Variants in WDR27 observed in about 807,000 individuals in gnomAD.
WDR27 encodes the protein WD repeat-containing protein 27.
In WDR27, 100 loss-of-function variants were observed where a neutral mutation model predicts 114.4. The ratio of observed to expected loss-of-function variants is 0.87; its 90% CI spans 0.74 to 1.03. WDR27 has a LOEUF of 1.03. Among genes scored for constraint, WDR27 ranks in the 50% least tolerant of loss-of-function variants. WDR27 has a pLI of 0.00. For missense variants in WDR27, 1,129 were observed against 1,092.9 expected, an observed-to-expected ratio of 1.03 and a Z score of -0.47; for synonymous variants, 449 against 423.1, an observed-to-expected ratio of 1.06 and a Z score of -0.75.
chr6:169,585,251 C>T (rs565901443), intron 23 of WDR27, among the ~76,000 whole-genome samples: 3 of 152,204 alleles, frequency 2.0e-5, no homozygotes, highest in South Asian at 2.1e-4. Context: ...ATATTTTGAA[C>T]GTCAGAAGAA....
chr6:169,553,318 G>A (rs916398629), intron 25 of WDR27, among the ~76,000 whole-genome samples: 26 of 152,050 alleles, frequency 1.7e-4, no homozygotes, highest in African/African-American at 4.8e-4. Flanking sequence ...CATTCTTTCC[G>A]GTTTAGTACA....
chr6:169,645,201 GA>G (rs1454460983), intron 16 of WDR27, among the ~76,000 whole-genome samples: 1 of 151,376 alleles, frequency 6.6e-6, no homozygotes, highest in Non-Finnish European at 1.5e-5. Context: ...TAGTTCACAG[GA>G]GTCACACTAT....
At chr6:169,697,913 CTT>C (rs1786662303) in intron 1 of WDR27, among the ~76,000 whole-genome samples, 2 of 152,170 alleles carry the variant, frequency 1.3e-5, no homozygotes, top group South Asian at 4.1e-4. Context: ...TGTCTTGTGT[CTT>C]TATTTCTACA....
At chr6:169,493,192 C>G (rs1399739357) in intron 25 of WDR27, among the ~76,000 whole-genome samples, 1 of 151,828 alleles carries the variant, frequency 6.6e-6, no homozygotes, top group Non-Finnish European at 1.5e-5. Context: ...AAAAGTCTGC[C>G]ACATAAACAT....
the WDR27 span, among the ~76,000 whole-genome samples, chr6:169,437,666 T>C: frequency 1.3e-5 from 2 of 152,216 alleles, no homozygotes; most frequent in Non-Finnish European, 2.9e-5. Flanking sequence ...TGCTTAACTA[T>C]AGTTCCTCAA....
chr6:169,609,802 T>G (rs1312962660), intron 22 of WDR27, among the ~76,000 whole-genome samples: 4 of 152,256 alleles, frequency 2.6e-5, no homozygotes, highest in Non-Finnish European at 2.9e-5. Flanking sequence ...TCTTTTCTAT[T>G]GCATTGTCAG....
intron 25 of WDR27, among the ~76,000 whole-genome samples, chr6:169,485,374 A>G (rs1788746735): frequency 6.6e-6 from 1 of 152,250 alleles, no homozygotes; most frequent in African/African-American, 2.4e-5. Flanking sequence ...GACACTTTTC[A>G]AAAGACATAC....
intron 25 of WDR27, among the ~76,000 whole-genome samples, chr6:169,503,960 T>C (rs1791675971): frequency 6.6e-6 from 1 of 152,054 alleles, no homozygotes; most frequent in African/African-American, 2.4e-5. Context: ...TGGTTTAAAT[T>C]AGGAGCAAAA....
intron 25 of WDR27, among the ~76,000 whole-genome samples, chr6:169,526,024 A>G (rs1794931749): frequency 6.6e-6 from 1 of 152,198 alleles, no homozygotes; most frequent in Admixed American, 6.5e-5. Flanking sequence ...TGGAGGACAG[A>G]AAAAAAGTGG....
chr6:169,656,493 C>T (rs1235914975), intron 13 of WDR27, among the ~76,000 whole-genome samples: 1 of 151,306 alleles, frequency 6.6e-6, no homozygotes, highest in Non-Finnish European at 1.5e-5. Context: ...CTGACAGGGC[C>T]AAGAGAGACC....
Position 169,603,073 on chromosome 6 carries a change from C to T in WDR27, c.2322-752G>A, listed in dbSNP as rs181310225. Among the ~76,000 whole-genome samples, 469 of 151,960 alleles carry T rather than the reference C, an allele frequency of 3.1e-3. 4 individuals carry two copies. Among genetic ancestry groups the T allele is most frequent in the African/African-American group, 9.7e-3 (404 of 41,462 alleles). On this transcript the variant is annotated intron_variant, in intron 22 of 25. Coordinates refer to ENST00000448612, the MANE Select transcript of WDR27 (RefSeq NM_182552.5). ...GCCAAGCTGGTCTCGAACTCCTGAC[C>T]TCAGGTAATCCACCTGCCTTGGCCT...
chr6:169,551,294 A>C (rs1449086528), intron 25 of WDR27, among the ~76,000 whole-genome samples: 1 of 152,122 alleles, frequency 6.6e-6, no homozygotes, highest in Admixed American at 6.5e-5. Flanking sequence ...TAAGTAATTT[A>C]GACACAGAGA....
At chr6:169,649,081 TGTGTAA>T in intron 15 of WDR27, 111 bp downstream of exon 15, 1 of 784,398 alleles carries the variant, frequency 1.3e-6, no homozygotes. Flanking sequence ...TGTACATATG[TGTGTAA>T]ACACATGTAC....
intron 2 of WDR27, among the ~76,000 whole-genome samples, chr6:169,681,339 A>C (rs1271321194): frequency 6.6e-6 from 1 of 152,206 alleles, no homozygotes; most frequent in African/African-American, 2.4e-5. Context: ...CGACAATAAC[A>C]AAAATTCTGC....
chr6:169,569,012 G>A (rs907121347), intron 25 of WDR27, among the ~76,000 whole-genome samples: 21 of 152,080 alleles, frequency 1.4e-4, no homozygotes, highest in Non-Finnish European at 1.3e-4. Context: ...AAGAGACGCC[G>A]CCCACCCAAA....
intron 5 of WDR27, 40 bp from the exon 6 acceptor site, chr6:169,667,227 G>A (rs762734859): frequency 9.0e-6 from 13 of 1,452,110 alleles, no homozygotes; most frequent in Admixed American, 6.0e-5. Flanking sequence ...AGGTAACAAC[G>A]TTGCCATTAT....
chr6:169,645,023 TAAAAAAAAAAAATAAAA>T (rs1820215058), intron 16 of WDR27, among the ~76,000 whole-genome samples: 1 of 46,982 alleles, frequency 2.1e-5, no homozygotes, highest in Non-Finnish European at 3.9e-5. Flanking sequence ...AAAAAAAAAA[TAAAAAAAAAAAATAAAA>T]AAAAAAAAAA....
At chr6:169,525,826 A>G (rs1794914246) in intron 25 of WDR27, among the ~76,000 whole-genome samples, 1 of 152,214 alleles carries the variant, frequency 6.6e-6, no homozygotes, top group Non-Finnish European at 1.5e-5. Context: ...GCCAAAATAT[A>G]GAATCAATGT....
chr6:169,542,363 T>C (rs957419397), intron 25 of WDR27, among the ~76,000 whole-genome samples: 3 of 152,232 alleles, frequency 2.0e-5, no homozygotes, highest in Admixed American at 6.5e-5. Flanking sequence ...AAAGTACAAC[T>C]TTGTTTCTGT....
Sources: gnomAD v4.1 joint callset for allele counts (sites outside exome capture counted in the v4.1 genomes callset) on GRCh38, gnomAD v4.1.1 for gene constraint, MANE v1.5 for transcripts, NCBI Gene and HGNC (gene_info 2026-07-23, HGNC 2026-07-21) for gene names.